EXOC6: variants seen among roughly 807,000 people sequenced by gnomAD.
EXOC6 encodes SEC15-like 1.
EXOC6 carries 60 observed loss-of-function variants against 112.5 expected under a neutral mutation model. That is an observed-to-expected ratio of 0.53 (90% CI 0.43 to 0.66). The LOEUF is 0.66. Ranked by LOEUF, EXOC6 falls within the 30% of genes least tolerant of loss-of-function variation. The pLI is 0.00. For missense variants in EXOC6, 855 were observed against 957.1 expected, an observed-to-expected ratio of 0.89 and a Z score of 1.41; for synonymous variants, 295 against 308.0, an observed-to-expected ratio of 0.96 and a Z score of 0.44.
chr10:92,872,549 C>T (rs1848502927), intron 1 of EXOC6, among the ~76,000 whole-genome samples: 1 of 151,922 alleles, frequency 6.6e-6, no homozygotes, highest in African/African-American at 2.4e-5. Flanking sequence ...TATTTTTCAC[C>T]TGATCATTCT....
At chr10:92,909,979 A>G (rs1270287263) in intron 6 of EXOC6, among the ~76,000 whole-genome samples, 2 of 152,236 alleles carry the variant, frequency 1.3e-5, no homozygotes, top group Non-Finnish European at 2.9e-5. Context: ...TTTTTATGCT[A>G]AGATTCTAAA....
intron 8 of EXOC6, among the ~76,000 whole-genome samples, chr10:92,921,913 G>A (rs910890490): frequency 6.6e-6 from 1 of 151,682 alleles, no homozygotes; most frequent in African/African-American, 2.4e-5. Context: ...CTTCTGGCTG[G>A]TATATATAAC....
chr10:93,021,845 A>T (rs1241662314), intron 20 of EXOC6, among the ~76,000 whole-genome samples: 2 of 152,166 alleles, frequency 1.3e-5, no homozygotes, highest in African/African-American at 4.8e-5. Context: ...GAAATTTCTC[A>T]TGTGATATTT....
intron 15 of EXOC6, among the ~76,000 whole-genome samples, chr10:92,953,967 A>G (rs116544255): frequency 0.011 from 1,624 of 152,268 alleles, 34 homozygotes; most frequent in African/African-American, 0.037. Context: ...ATAGTTGTGT[A>G]TGAAGTTTCT....
intron 17 of EXOC6, among the ~76,000 whole-genome samples, chr10:92,961,509 A>G (rs1487704162): frequency 1.3e-5 from 2 of 152,178 alleles, no homozygotes; most frequent in Non-Finnish European, 2.9e-5. Context: ...ACAAATATAT[A>G]TGGGATAGAA....
At chr10:92,973,060 C>T (rs1842362029) in intron 17 of EXOC6, among the ~76,000 whole-genome samples, 2 of 152,194 alleles carry the variant, frequency 1.3e-5, no homozygotes, top group Non-Finnish European at 2.9e-5. Context: ...AACTTATTGC[C>T]TCTAATTGTT....
At chr10:92,978,727 G>GA (rs1435321235) in intron 18 of EXOC6, among the ~76,000 whole-genome samples, 1 of 152,134 alleles carries the variant, frequency 6.6e-6, no homozygotes, top group Non-Finnish European at 1.5e-5. Flanking sequence ...CTTGGTTTAA[G>GA]GTTATTCTTG....
At chr10:92,995,344 TA>T (rs1843441220) in intron 18 of EXOC6, among the ~76,000 whole-genome samples, 1 of 152,198 alleles carries the variant, frequency 6.6e-6, no homozygotes, top group African/African-American at 2.4e-5. Context: ...GAACCCATGT[TA>T]AATTTTAAAA....
chr10:93,012,836 G>A (rs1056304859), intron 19 of EXOC6, among the ~76,000 whole-genome samples: 5 of 151,948 alleles, frequency 3.3e-5, no homozygotes, highest in African/African-American at 1.2e-4. Context: ...TTCAAGCCCA[G>A]CCTGTGCCAC....
chr10:92,989,025 A>G (rs1313326790), intron 18 of EXOC6, among the ~76,000 whole-genome samples: 1 of 152,182 alleles, frequency 6.6e-6, no homozygotes, highest in African/African-American at 2.4e-5. Flanking sequence ...GCATGTGGAT[A>G]CTTTGTCTTG....
intron 20 of EXOC6, among the ~76,000 whole-genome samples, chr10:93,048,755 CAAA>C (rs11368682): frequency 1.9e-5 from 2 of 107,776 alleles, no homozygotes; most frequent in Non-Finnish European, 3.9e-5. Context: ...GACTCCGTCT[CAAA>C]AAAAAAAAAA....
intron 1 of EXOC6, among the ~76,000 whole-genome samples, chr10:92,828,161 G>T (rs143387604): frequency 6.6e-6 from 1 of 151,900 alleles, no homozygotes; most frequent in Non-Finnish European, 1.5e-5. Flanking sequence ...CATGTATTCC[G>T]CAAATATCAA....
chr10:93,028,530 C>T (rs999252687), intron 20 of EXOC6, among the ~76,000 whole-genome samples: 5 of 151,960 alleles, frequency 3.3e-5, no homozygotes, highest in Non-Finnish European at 5.9e-5. Flanking sequence ...GGTGAAGAGG[C>T]TGTTCACAAG....
At chr10:92,907,668 A>G (rs1850519519) in intron 5 of EXOC6, among the ~76,000 whole-genome samples, 1 of 152,220 alleles carries the variant, frequency 6.6e-6, no homozygotes, top group South Asian at 2.1e-4. Context: ...AAATATACCT[A>G]GTTCATATCA....
At chr10:92,854,555 G>C (rs967647408) in intron 1 of EXOC6, among the ~76,000 whole-genome samples, 2 of 152,140 alleles carry the variant, frequency 1.3e-5, no homozygotes, top group Non-Finnish European at 2.9e-5. Flanking sequence ...AGTTCTCTTA[G>C]TTTTCATTAT....
At position 93,058,582 on chromosome 10, in the gene EXOC6, G is replaced by A; in HGVS notation, c.*227G>A. 1.8e-5 allele frequency: 6 copies of A among 341,642 alleles called. No individual in the cohort carries two copies. Among genetic ancestry groups the A allele is most frequent in the South Asian group, 9.7e-5 (1 of 10,294 alleles). The allele number at this position is 341,642 out of a possible 1,614,324, so 21.2% of individuals were successfully genotyped here. Reference sequence around the variant, plus strand: ...AAATGACCATTTTTTCACTTTTAGGGGAAAATGCAAAAGTGTAATACATAA... The same window carrying A: ...AAATGACCATTTTTTCACTTTTAGGAGAAAATGCAAAAGTGTAATACATAA... On this transcript the variant is annotated 3_prime_UTR_variant, in exon 22 of 22. Transcript: ENST00000260762.
intron 1 of EXOC6, among the ~76,000 whole-genome samples, chr10:92,835,064 ATC>A (rs1314276076): frequency 1.3e-5 from 2 of 152,194 alleles, no homozygotes; most frequent in Non-Finnish European, 2.9e-5. Context: ...CTTTCAAATG[ATC>A]AAAAAGGACC....
At chr10:93,024,086 A>G (rs369328196) in intron 20 of EXOC6, among the ~76,000 whole-genome samples, 1 of 152,240 alleles carries the variant, frequency 6.6e-6, no homozygotes, top group Non-Finnish European at 1.5e-5. Context: ...CACTAATACT[A>G]TACTAAATCC....
chr10:92,850,875 G>A (rs1277462848), intron 1 of EXOC6, among the ~76,000 whole-genome samples: 1 of 151,924 alleles, frequency 6.6e-6, no homozygotes, highest in Non-Finnish European at 1.5e-5. Flanking sequence ...TTCCTGAGAA[G>A]CACGTGATAA....
Sources: allele counts gnomAD v4.1 joint callset (sites outside exome capture counted in the v4.1 genomes callset), GRCh38; gene constraint gnomAD v4.1.1; transcripts MANE v1.5; gene names NCBI Gene and HGNC (gene_info 2026-07-23, HGNC 2026-07-21).